The following PIK3C3 variants were observed in gnomAD, a reference collection of about 807,000 sequenced individuals.
The protein encoded by PIK3C3 is phosphatidylinositol 3-kinase catalytic subunit type 3.
A neutral mutation model predicts 126.1 loss-of-function variants in PIK3C3; 95 were observed. The ratio of observed to expected loss-of-function variants is 0.75; its 90% CI spans 0.64 to 0.89. PIK3C3 has a LOEUF of 0.89. PIK3C3 is among the 40% of genes least tolerant of loss of function. The pLI is 0.00. For missense variants in PIK3C3, 829 were observed against 1,063.2 expected, an observed-to-expected ratio of 0.78 and a Z score of 3.06; for synonymous variants, 374 against 360.0, an observed-to-expected ratio of 1.04 and a Z score of -0.44.
intron 9 of PIK3C3, among the ~76,000 whole-genome samples, chr18:42,000,494 T>G (rs12456761): frequency 0.22 from 34,047 of 152,074 alleles, 4,297 homozygotes; most frequent in South Asian, 0.4. Context: ...GCTATACAAG[T>G]AAGTTGACTT....
At chr18:41,993,003 C>T (rs754859184) in intron 6 of PIK3C3, among the ~76,000 whole-genome samples, 1 of 152,008 alleles carries the variant, frequency 6.6e-6, no homozygotes, top group South Asian at 2.1e-4. Context: ...AGGAACAACT[C>T]GAAACAATCT....
At chr18:41,965,567 T>C (rs1598849445) in intron 3 of PIK3C3, among the ~76,000 whole-genome samples, 1 of 152,222 alleles carries the variant, frequency 6.6e-6, no homozygotes, top group Admixed American at 6.5e-5. Flanking sequence ...TCAGTGTGTC[T>C]GTGGTGGGGC....
At chr18:41,978,552 A>C (rs961833164) in intron 4 of PIK3C3, among the ~76,000 whole-genome samples, 3 of 152,218 alleles carry the variant, frequency 2.0e-5, no homozygotes, top group African/African-American at 7.2e-5. Flanking sequence ...GTCTTGGATT[A>C]AAATTTGAAA....
intron 1 of PIK3C3, among the ~76,000 whole-genome samples, chr18:41,955,780 A>G (rs1413015421): frequency 2.6e-5 from 4 of 152,184 alleles, no homozygotes; most frequent in Non-Finnish European, 5.9e-5. Context: ...ACACAGGCAG[A>G]TGCGATAGTT....
At chr18:42,018,425 G>A (rs182472246) in intron 12 of PIK3C3, among the ~76,000 whole-genome samples, 1 of 152,216 alleles carries the variant, frequency 6.6e-6, no homozygotes, top group East Asian at 1.9e-4. Flanking sequence ...GTTCTTGGCA[G>A]ATAGTCAAAA....
At position 42,084,344 on chromosome 18, in the gene PIK3C3, A is replaced by G. The variant is rs1286121163; in HGVS notation, c.*3207A>G. On this transcript the variant is annotated 3_prime_UTR_variant, in exon 25 of 25. Coordinates refer to ENST00000262039, the MANE Select transcript of PIK3C3 (RefSeq NM_002647.4). ...CTGACATAGATTGAACACCTTGAGAATAAACTTTAGTGCCAAATGGAAAAT... is the reference window on the plus strand; with the variant it reads ...CTGACATAGATTGAACACCTTGAGAGTAAACTTTAGTGCCAAATGGAAAAT... The G allele has an allele frequency of 6.6e-6, 1 of 152,192 alleles. No individual in the cohort carries two copies. Among genetic ancestry groups the G allele is most frequent in the Non-Finnish European group, 1.5e-5 (1 of 68,024 alleles). 9.4% of individuals were successfully genotyped at this position (152,192 alleles called of 1,614,324 possible). A position where few individuals can be genotyped will look rare whatever the true frequency, so the allele number is the denominator to read the frequency against.
At chr18:41,966,301 C>T (rs1163731216) in intron 3 of PIK3C3, among the ~76,000 whole-genome samples, 1 of 151,332 alleles carries the variant, frequency 6.6e-6, no homozygotes, top group Non-Finnish European at 1.5e-5. Context: ...TCCTGAGTAG[C>T]CGGGATTACA....
intron 15 of PIK3C3, 87 bp from the exon 16 acceptor site, chr18:42,033,739 A>T: frequency 1.0e-6 from 1 of 972,580 alleles, no homozygotes; most frequent in Non-Finnish European, 1.5e-6. Flanking sequence ...CTTTTAAGTT[A>T]ATGGAATCAA....
In PIK3C3 at chr18:42,038,935, G is replaced by A. The variant is rs1210313742; in HGVS notation, c.2038+85G>A. The A allele has an allele frequency of 8.6e-6, 7 of 816,578 alleles. No individual in the cohort carries two copies. The Middle Eastern group carries it at 1.7e-3, about 204-fold the overall frequency. The allele number at this position is 816,578 out of a possible 1,614,324, so 50.6% of individuals were successfully genotyped here. On this transcript the variant is annotated intron_variant, in intron 18 of 24. Coordinates refer to ENST00000262039, the MANE Select transcript of PIK3C3 (RefSeq NM_002647.4). ...ATTGAAAATTTTTAAGTATGTTAGAGATACAAATAAATTCCATTTGTAGCA... is the reference window on the plus strand; with the variant it reads ...ATTGAAAATTTTTAAGTATGTTAGAAATACAAATAAATTCCATTTGTAGCA...
In PIK3C3 at chr18:41,955,261, C is replaced by A. The variant is rs776177139; in HGVS notation, c.-31C>A. 6 of 1,592,514 alleles carry A rather than the reference C, an allele frequency of 3.8e-6. No individual in the cohort carries two copies. The highest frequency in any genetic ancestry group is 1.1e-5 in the South Asian group (1 of 90,122). ...GTTGTTTTTCCTGTACCTAAGTTCCCGCTGTAGGTGGTACCTTTGCAGACG... is the reference window on the plus strand; with the variant it reads ...GTTGTTTTTCCTGTACCTAAGTTCCAGCTGTAGGTGGTACCTTTGCAGACG... On this transcript the variant is annotated 5_prime_UTR_variant, in exon 1 of 25. Transcript: ENST00000262039.
intron 6 of PIK3C3, 64 bp downstream of exon 6, chr18:41,990,618 T>C (rs1407413978): frequency 1.2e-5 from 10 of 844,262 alleles, no homozygotes; most frequent in South Asian, 4.5e-5. Flanking sequence ...TAAAAAAATA[T>C]TGTTGTTCCT....
chr18:42,008,533 C>T (rs1251613943), intron 10 of PIK3C3, among the ~76,000 whole-genome samples: 1 of 152,042 alleles, frequency 6.6e-6, no homozygotes, highest in Non-Finnish European at 1.5e-5. Flanking sequence ...TGGGAAGTCA[C>T]TAAGTGATTT....
chr18:41,966,628 T>A (rs1368899072), intron 3 of PIK3C3, among the ~76,000 whole-genome samples: 2 of 152,206 alleles, frequency 1.3e-5, no homozygotes, highest in Non-Finnish European at 2.9e-5. Flanking sequence ...ACAAAAACTA[T>A]GCTATTAAAT....
chr18:42,005,018 T>C (rs1982475938), intron 10 of PIK3C3, among the ~76,000 whole-genome samples: 1 of 152,130 alleles, frequency 6.6e-6, no homozygotes, highest in Non-Finnish European at 1.5e-5. Context: ...TTTCAGCTGA[T>C]GACAATTATA....
intron 9 of PIK3C3, among the ~76,000 whole-genome samples, chr18:42,002,173 C>A (rs1373785046): frequency 6.6e-6 from 1 of 152,078 alleles, no homozygotes; most frequent in Non-Finnish European, 1.5e-5. Flanking sequence ...GTAAAACTTT[C>A]AACAAGATGA....
chr18:42,040,069 A>G (rs1016680689), intron 18 of PIK3C3, among the ~76,000 whole-genome samples: 1 of 150,854 alleles, frequency 6.6e-6, no homozygotes, highest in Non-Finnish European at 1.5e-5. Context: ...TTTTTTTTTA[A>G]TATATCCATT....
Position 41,985,568 on chromosome 18 carries a change from G to A in PIK3C3, c.532-2244G>A, listed in dbSNP as rs568178942. Among the ~76,000 whole-genome samples the A allele has an allele frequency of 2.4e-3, 364 of 152,224 alleles. 1 individual carries two copies. The highest frequency in any genetic ancestry group is 4.1e-3 in the Non-Finnish European group (278 of 68,004). ...TTTTGATTATAGCATTTCATAGTGT[G>A]TGTGTACTCTAGTTTACTTAACAGT... On this transcript the variant is annotated intron_variant, in intron 4 of 24. Coordinates refer to ENST00000262039, the MANE Select transcript of PIK3C3 (RefSeq NM_002647.4).
At chr18:41,966,177 CTTT>C (rs10539758) in intron 3 of PIK3C3, among the ~76,000 whole-genome samples, 54 of 112,558 alleles carry the variant, frequency 4.8e-4, no homozygotes, top group Middle Eastern at 5.1e-3. Flanking sequence ...TATATTGTTC[CTTT>C]TTTTTTTTTT....
rs1413094030 is a variant in PIK3C3, at chr18:42,012,548, TCTTCA to T, written c.1171-890_1171-886del. ...AAAAATTTTTTGAGCTTTGCAATTT[TCTTCA>T]CTTTTTAGTTATTTTTAAAAGTAAA... On this transcript the variant is annotated intron_variant, in intron 10 of 24. Coordinates refer to ENST00000262039, the MANE Select transcript of PIK3C3 (RefSeq NM_002647.4). Among the ~76,000 whole-genome samples, 15 of 152,312 alleles carry T rather than the reference TCTTCA, an allele frequency of 9.8e-5. No homozygotes were observed. In the East Asian group the frequency reaches 2.9e-3, roughly 29 times the overall value.
Sources: allele counts gnomAD v4.1 joint callset (sites outside exome capture counted in the v4.1 genomes callset), GRCh38; gene constraint gnomAD v4.1.1; transcripts MANE v1.5; gene names NCBI Gene and HGNC (gene_info 2026-07-23, HGNC 2026-07-21).